The following RALYL variants were observed in gnomAD, a reference collection of about 807,000 sequenced individuals.
RALYL encodes the protein RNA-binding Raly-like protein.
Under a neutral mutation model 35.1 loss-of-function variants are expected in RALYL, and 29 were observed. The observed-to-expected ratio is 0.83, with a 90% CI of 0.61 to 1.13. The LOEUF is 1.13. Among genes scored for constraint, RALYL ranks in the 50% most tolerant of loss-of-function variants. The pLI is 0.00. For synonymous variants in RALYL, 120 were observed against 127.6 expected, an observed-to-expected ratio of 0.94 and a Z score of 0.40; for missense variants, 359 against 360.4, an observed-to-expected ratio of 1.00 and a Z score of 0.03.
intron 1 of RALYL, among the ~76,000 whole-genome samples, chr8:84,485,274 TACTC>T (rs2054487534): frequency 6.6e-6 from 1 of 152,130 alleles, no homozygotes; most frequent in South Asian, 2.1e-4. Flanking sequence ...AAACATCTCA[TACTC>T]AATATGCCCA....
chr8:84,534,112 T>A (rs2059444644), intron 2 of RALYL, among the ~76,000 whole-genome samples: 1 of 152,252 alleles, frequency 6.6e-6, no homozygotes, highest in Non-Finnish European at 1.5e-5. Flanking sequence ...TGTTTCTTTG[T>A]CACCTGCAGA....
At chr8:84,757,063 G>A (rs1430144562) in intron 2 of RALYL, among the ~76,000 whole-genome samples, 1 of 151,964 alleles carries the variant, frequency 6.6e-6, no homozygotes, top group African/African-American at 2.4e-5. Flanking sequence ...TTTGAATTAA[G>A]GAGGAAAAGA....
intron 2 of RALYL, among the ~76,000 whole-genome samples, chr8:84,722,496 C>G (rs1445755480): frequency 6.6e-6 from 1 of 151,158 alleles, no homozygotes; most frequent in African/African-American, 2.4e-5. Context: ...TATGCCCAGA[C>G]ATTCTTTAAA....
At chr8:84,746,635 T>C (rs1377155686) in intron 2 of RALYL, among the ~76,000 whole-genome samples, 1 of 152,002 alleles carries the variant, frequency 6.6e-6, no homozygotes, top group African/African-American at 2.4e-5. Flanking sequence ...AAAATAAATA[T>C]TTATTTCATA....
In RALYL at chr8:84,236,064, T is replaced by C. The variant is rs550684307; in HGVS notation, c.-24+51640T>C. On this transcript the variant is annotated intron_variant, in intron 1 of 8. Coordinates refer to ENST00000521268, the MANE Select transcript of RALYL (RefSeq NM_173848.7). Reference sequence around the variant, plus strand: ...ACAGATATTACCAACATGATTCCAGTTCATTAAAGCTGTTCTCGTGGCTGT... The same window carrying C: ...ACAGATATTACCAACATGATTCCAGCTCATTAAAGCTGTTCTCGTGGCTGT... Among the ~76,000 whole-genome samples, 11 of 152,258 alleles carry C rather than the reference T, an allele frequency of 7.2e-5. No individual in the cohort carries two copies. In the South Asian group the frequency reaches 2.3e-3, roughly 32 times the overall value.
At chr8:84,641,400 T>G (rs1317731663) in intron 2 of RALYL, among the ~76,000 whole-genome samples, 1 of 151,740 alleles carries the variant, frequency 6.6e-6, no homozygotes, top group Non-Finnish European at 1.5e-5. Context: ...TTTTATAGAT[T>G]AAGCCATTCC....
At chr8:84,642,932 C>A (rs980026222) in intron 2 of RALYL, among the ~76,000 whole-genome samples, 14 of 152,032 alleles carry the variant, frequency 9.2e-5, no homozygotes, top group African/African-American at 3.4e-4. Context: ...TCCCTCTCAT[C>A]TCTGCAAGTC....
At chr8:84,670,853 C>G (rs115044645) in intron 2 of RALYL, among the ~76,000 whole-genome samples, 1,574 of 152,278 alleles carry the variant, frequency 0.01, 34 homozygotes, top group African/African-American at 0.035. Flanking sequence ...TGGCCCCTAT[C>G]AAATGTCATA....
chr8:84,814,686 GAGTTGTGAAAAGA>G (rs1412051800), intron 4 of RALYL, among the ~76,000 whole-genome samples: 1 of 152,126 alleles, frequency 6.6e-6, no homozygotes, highest in Non-Finnish European at 1.5e-5. Context: ...AAAGAGCATG[GAGTTGTGAAAAGA>G]AGTTGAGTGA....
chr8:84,878,133 C>T (rs1011142142), intron 7 of RALYL, among the ~76,000 whole-genome samples: 1 of 152,118 alleles, frequency 6.6e-6, no homozygotes, highest in Non-Finnish European at 1.5e-5. Flanking sequence ...AAACAGATTC[C>T]TATGTCCCAG....
chr8:84,838,061 T>C (rs562171493), intron 4 of RALYL, among the ~76,000 whole-genome samples: 1 of 152,124 alleles, frequency 6.6e-6, no homozygotes, highest in Non-Finnish European at 1.5e-5. Flanking sequence ...AAAGCCAAAA[T>C]AGATCATCCC....
chr8:84,399,546 G>T (rs1031005791), intron 1 of RALYL, among the ~76,000 whole-genome samples: 2 of 152,114 alleles, frequency 1.3e-5, no homozygotes, highest in Admixed American at 1.3e-4. Flanking sequence ...TTATTTGTGG[G>T]CTATATTCAG....
intron 2 of RALYL, among the ~76,000 whole-genome samples, chr8:84,686,490 C>T (rs556724056): frequency 6.6e-6 from 1 of 152,236 alleles, no homozygotes; most frequent in Middle Eastern, 3.4e-3. Context: ...CTGCAACCTC[C>T]ACCTCCCGGG....
intron 1 of RALYL, among the ~76,000 whole-genome samples, chr8:84,205,126 T>C (rs1204023731): frequency 6.6e-6 from 1 of 152,216 alleles, no homozygotes; most frequent in Non-Finnish European, 1.5e-5. Flanking sequence ...ATATGGCCCT[T>C]TCGTTTTATA....
intron 1 of RALYL, among the ~76,000 whole-genome samples, chr8:84,485,662 A>G (rs2054535450): frequency 6.6e-6 from 1 of 152,162 alleles, no homozygotes; most frequent in Non-Finnish European, 1.5e-5. Context: ...GTTGATGGCA[A>G]TTCCATTTCA....
intron 3 of RALYL, among the ~76,000 whole-genome samples, chr8:84,795,890 C>T (rs980366040): frequency 6.6e-6 from 1 of 152,148 alleles, no homozygotes; most frequent in African/African-American, 2.4e-5. Flanking sequence ...TTTCAGCCAC[C>T]TCAGACTATC....
intron 2 of RALYL, among the ~76,000 whole-genome samples, chr8:84,721,043 C>T (rs1322878506): frequency 6.6e-6 from 1 of 151,804 alleles, no homozygotes; most frequent in Admixed American, 6.6e-5. Context: ...AGTACAGCCA[C>T]AATGGAAAAC....
intron 2 of RALYL, among the ~76,000 whole-genome samples, chr8:84,572,205 G>T (rs1046521918): frequency 6.7e-6 from 1 of 149,070 alleles, no homozygotes; most frequent in African/African-American, 2.5e-5. Flanking sequence ...TTTGGGTCTT[G>T]TTTTTTTTGT....
chr8:84,562,729 C>T (rs2061544105), intron 2 of RALYL, among the ~76,000 whole-genome samples: 1 of 151,890 alleles, frequency 6.6e-6, no homozygotes. Flanking sequence ...TCTCACTTGA[C>T]AGACACTGGG....
Sources: gnomAD v4.1 joint callset for allele counts (sites outside exome capture counted in the v4.1 genomes callset) on GRCh38, gnomAD v4.1.1 for gene constraint, MANE v1.5 for transcripts, NCBI Gene and HGNC (gene_info 2026-07-23, HGNC 2026-07-21) for gene names.